The following YBEY variants were observed in gnomAD, a reference collection of about 807,000 sequenced individuals.
YBEY encodes ybeY metalloendoribonuclease, also known as endoribonuclease YbeY.
A neutral mutation model predicts 13.5 loss-of-function variants in YBEY; 15 were observed. The ratio of observed to expected loss-of-function variants is 1.11; its 90% CI spans 0.75 to 1.72. The LOEUF (loss-of-function observed/expected upper bound fraction) is 1.72, where lower values mean the gene tolerates loss of function less well. YBEY is among the 40% of genes most tolerant of loss of function. The pLI, the probability that YBEY is intolerant of heterozygous loss-of-function variation, is 0.00. For missense variants in YBEY, 244 were observed against 208.4 expected (o/e 1.17, Z -1.05); for synonymous variants, 101 against 83.1 (o/e 1.21, Z -1.17).
At chr21:46,308,267 C>T in the YBEY span, among the ~76,000 whole-genome samples, 47 of 152,224 alleles carry the variant, frequency 3.1e-4, no homozygotes, top group Non-Finnish European at 6.2e-4. Flanking sequence ...TCGAGACCAG[C>T]CTGGCCAACA....
the YBEY span, among the ~76,000 whole-genome samples, chr21:46,312,660 A>G: frequency 0.83 from 127,007 of 152,136 alleles, 53,567 homozygotes; most frequent in African/African-American, 0.89. Flanking sequence ...ATGAGCCACC[A>G]TGCCCGGCCT....
downstream of YBEY, among the ~76,000 whole-genome samples, chr21:46,298,791 C>T (rs563799607): frequency 2.0e-5 from 3 of 151,796 alleles, no homozygotes; most frequent in East Asian, 5.8e-4. Flanking sequence ...GTGGTGCAGT[C>T]TCGGCTCACT....
At chr21:46,302,765 C>A in the YBEY span, among the ~76,000 whole-genome samples, 5 of 116,146 alleles carry the variant, frequency 4.3e-5, no homozygotes, top group African/African-American at 1.3e-4. Flanking sequence ...GCACACGGTG[C>A]GGGTCCCCGG....
chr21:46,286,842 T>C lies in YBEY; in HGVS notation c.-44-28T>C, dbSNP rs989479382. On this transcript the variant is annotated intron_variant, in intron 1 of 4. Coordinates refer to ENST00000397701, the MANE Select transcript of YBEY (RefSeq NM_001314025.2). ...CAGACCGTATTATCACTTGTACTGA[T>C]TGGTCTTCTCTTACACTTTAACCCC... 7.9e-6 allele frequency: 11 copies of C among 1,398,138 alleles called. No homozygotes were observed. In the Admixed American group the frequency reaches 1.6e-4, roughly 20 times the overall value. The allele number at this position is 1,398,138 out of a possible 1,614,324, so 86.6% of individuals were successfully genotyped here.
At chr21:46,292,957 C>CTT (rs2081796361) in intron 3 of YBEY, among the ~76,000 whole-genome samples, 4 of 35,136 alleles carry the variant, frequency 1.1e-4, no homozygotes, top group African/African-American at 3.9e-4. Flanking sequence ...ATTCCTCCCG[C>CTT]GGTTAGCCTG....
downstream of YBEY, among the ~76,000 whole-genome samples, chr21:46,298,849 C>G (rs549464090): frequency 2.0e-5 from 3 of 152,200 alleles, no homozygotes; most frequent in Admixed American, 6.6e-5. Flanking sequence ...CTCAGCCTCC[C>G]GAGCAGCTGG....
chr21:46,286,951 C>T lies in YBEY; in HGVS notation c.38C>T (p.Pro13Leu). The T allele has an allele frequency of 6.2e-7, 1 of 1,613,912 alleles. No individual in the cohort carries two copies. Among genetic ancestry groups the T allele is most frequent in the Non-Finnish European group, 8.5e-7 (1 of 1,179,998 alleles). The change falls in exon 2 of 5, where the codon CCC (proline) becomes CTC (leucine). Residue 13 changes from proline (P) to leucine (L), a missense_variant. Transcript: ENST00000397701. Reference protein sequence around the residue: ...LVIRNLQRVIPIRRAPLRSKI... With the variant: ...LVIRNLQRVILIRRAPLRSKI... ...ATTAGAAATCTGCAGCGAGTCATCC[C>T]CATCAGGAGAGCGCCACTTCGCAGT...
chr21:46,312,363 G>C, the YBEY span, among the ~76,000 whole-genome samples: 51 of 152,178 alleles, frequency 3.4e-4, no homozygotes, highest in African/African-American at 1.1e-3. Context: ...TTGTCGCCCA[G>C]GCTGGAGTGC....
downstream of YBEY, chr21:46,301,892 G>A (rs2082120370): frequency 1.5e-6 from 2 of 1,336,106 alleles, no homozygotes; most frequent in South Asian, 4.1e-5. Context: ...CACTCCGGGT[G>A]GTGGCAGGGT....
downstream of YBEY, chr21:46,300,671 G>GT (rs1407712091): frequency 1.6e-6 from 2 of 1,273,628 alleles, no homozygotes; most frequent in Non-Finnish European, 2.0e-6. Flanking sequence ...GCTGTCCCTG[G>GT]GGAGCTCTGC....
the YBEY span, among the ~76,000 whole-genome samples, chr21:46,307,570 G>C: frequency 4.8e-3 from 735 of 152,320 alleles, 9 homozygotes; most frequent in Non-Finnish European, 4.5e-3. Flanking sequence ...GATGGCACAA[G>C]CTATGCTCTC....
intron 4 of YBEY, 52 bp from the exon 5 acceptor site, chr21:46,297,487 T>TG: frequency 7.7e-7 from 1 of 1,305,404 alleles, no homozygotes; most frequent in Middle Eastern, 2.6e-4. Context: ...CCCCAGAGAG[T>TG]GGGGCGCGGA....
At chr21:46,302,564 A>AGCT, downstream of YBEY, 1 of 1,611,794 alleles carries the variant, frequency 6.2e-7, no homozygotes, top group East Asian at 2.2e-5. Flanking sequence ...CAGCAGCAGC[A>AGCT]GCTCCACCAT....
At position 46,290,857 on chromosome 21, in the gene YBEY, C is replaced by T. The variant is rs1231526296; in HGVS notation, c.211-477C>T. Among the ~76,000 whole-genome samples, 3 of 151,810 alleles carry T rather than the reference C, an allele frequency of 2.0e-5. No homozygotes were observed. In the East Asian group the frequency reaches 5.9e-4, roughly 30 times the overall value. On this transcript the variant is annotated intron_variant, in intron 2 of 4. Coordinates refer to ENST00000397701, the MANE Select transcript of YBEY (RefSeq NM_001314025.2). Reference sequence around the variant, plus strand: ...GGTTGGGAGTTTGAGACCAGCCTGACCAACACGGAGAAACCCAGTCTCTAC... The same window carrying T: ...GGTTGGGAGTTTGAGACCAGCCTGATCAACACGGAGAAACCCAGTCTCTAC...
intron 3 of YBEY, among the ~76,000 whole-genome samples, chr21:46,292,578 T>C (rs2081766959): frequency 7.6e-6 from 1 of 131,768 alleles, no homozygotes; most frequent in African/African-American, 2.9e-5. Context: ...CTAGATTAAA[T>C]TCCTCCCGCG....
chr21:46,311,300 G>A, the YBEY span, among the ~76,000 whole-genome samples: 2 of 152,116 alleles, frequency 1.3e-5, no homozygotes, highest in Non-Finnish European at 2.9e-5. Context: ...CCTTCCCTGT[G>A]AGATATCATT....
the YBEY span, among the ~76,000 whole-genome samples, chr21:46,312,334 T>C: frequency 2.0e-5 from 3 of 152,170 alleles, no homozygotes; most frequent in Admixed American, 6.5e-5. Context: ...TTGTTTTTTT[T>C]TGAGACAAAG....
intron 3 of YBEY, chr21:46,291,732 A>C: frequency 8.3e-7 from 1 of 1,202,128 alleles, no homozygotes; most frequent in Non-Finnish European, 1.0e-6. Flanking sequence ...AGAGCAGACT[A>C]TGTTGAGCTA....
chr21:46,311,460 C>T, the YBEY span: 1 of 1,577,672 alleles, frequency 6.3e-7, no homozygotes, highest in Admixed American at 1.7e-5. Flanking sequence ...ACTTACCTTC[C>T]TTAATACTTC....
Sources: allele counts gnomAD v4.1 joint callset (sites outside exome capture counted in the v4.1 genomes callset), GRCh38; gene constraint gnomAD v4.1.1; transcripts MANE v1.5; gene names NCBI Gene and HGNC (gene_info 2026-07-23, HGNC 2026-07-21).